Variants in OSBPL8 observed in about 807,000 individuals in gnomAD.
The protein encoded by OSBPL8 is oxysterol-binding protein-related protein 8.
In OSBPL8, 59 loss-of-function variants were observed where a neutral mutation model predicts 125.5. The observed-to-expected ratio is 0.47, with a 90% CI of 0.38 to 0.58. The LOEUF is 0.58. OSBPL8 is among the 20% of genes least tolerant of loss of function. The probability of loss-of-function intolerance (pLI) is 0.00; values close to 1 mark genes in which losing one functional copy is unlikely to be tolerated. For missense variants in OSBPL8, 758 were observed against 1,047.8 expected, an observed-to-expected ratio of 0.72 and a Z score of 3.82; for synonymous variants, 330 against 338.9, an observed-to-expected ratio of 0.97 and a Z score of 0.29.
chr12:76,499,264 T>C (rs1336708634), intron 1 of OSBPL8, among the ~76,000 whole-genome samples: 2 of 152,084 alleles, frequency 1.3e-5, no homozygotes, highest in Admixed American at 6.6e-5. Flanking sequence ...AGACAGCCTG[T>C]TGTGGGACCT....
At position 76,380,461 on chromosome 12, in the gene OSBPL8, G is replaced by A. The variant is rs372827119; in HGVS notation, c.1631-1911C>T. 1.4e-4 allele frequency among the ~76,000 whole-genome samples: 20 copies of A among 147,398 alleles called. No individual in the cohort carries two copies. In the East Asian group the frequency reaches 3.2e-3, roughly 23 times the overall value. On this transcript the variant is annotated intron_variant, in intron 15 of 23. Transcript: ENST00000261183. ...TGTGCCTGTAATCCCAGCTACTCAG[G>A]AGGCTGAGGTGAGAGGATCCCTTGA... is the stretch of plus-strand genomic sequence containing the variant.
chr12:76,416,797 A>G (rs1868731724), intron 4 of OSBPL8, among the ~76,000 whole-genome samples: 1 of 151,638 alleles, frequency 6.6e-6, no homozygotes, highest in Admixed American at 6.5e-5. Context: ...TTGCTGACTT[A>G]CCTAGATTTA....
intron 16 of OSBPL8, among the ~76,000 whole-genome samples, chr12:76,376,376 A>G (rs752123227): frequency 5.3e-5 from 8 of 152,164 alleles, no homozygotes; most frequent in Non-Finnish European, 8.8e-5. Context: ...ATGTTTCTCA[A>G]ATTTATTTGG....
intron 4 of OSBPL8, among the ~76,000 whole-genome samples, chr12:76,424,792 G>A (rs1031720789): frequency 5.3e-5 from 8 of 151,932 alleles, no homozygotes; most frequent in Admixed American, 3.3e-4. Context: ...GAACAAATGC[G>A]TTCCCTCCTA....
At position 76,355,777 on chromosome 12, in the gene OSBPL8, G is replaced by GT. The variant is rs1183250715; in HGVS notation, c.*111dup. The GT allele has an allele frequency of 4.2e-6, 5 of 1,201,114 alleles. No homozygotes were observed. Among genetic ancestry groups the GT allele is most frequent in the Non-Finnish European group, 5.7e-6 (5 of 871,018 alleles). The allele number at this position is 1,201,114 out of a possible 1,614,324, so 74.4% of individuals were successfully genotyped here. On this transcript the variant is annotated 3_prime_UTR_variant, in exon 24 of 24. Transcript: ENST00000261183. The stretch of plus-strand genomic sequence containing the variant: ...CAATACCTCTACATTTATCTCCTAG[G>GT]TTTTTTTGTTTTCGGAATATTGTGA...
chr12:76,440,201 T>C (rs1010126790), intron 4 of OSBPL8, among the ~76,000 whole-genome samples: 23 of 152,150 alleles, frequency 1.5e-4, no homozygotes, highest in Non-Finnish European at 3.1e-4. Flanking sequence ...TAAATTTCAT[T>C]CTGCAACTGA....
chr12:76,448,317 GTT>G (rs1565904827), intron 4 of OSBPL8, among the ~76,000 whole-genome samples: 1 of 152,032 alleles, frequency 6.6e-6, no homozygotes, highest in East Asian at 1.9e-4. Flanking sequence ...AACAAGTGTA[GTT>G]TTAATTATTA....
At chr12:76,382,129 T>C (rs1026630643) in intron 15 of OSBPL8, among the ~76,000 whole-genome samples, 3 of 152,182 alleles carry the variant, frequency 2.0e-5, no homozygotes, top group African/African-American at 7.2e-5. Flanking sequence ...TGTCTTTAAA[T>C]GAGATTATTT....
intron 21 of OSBPL8, among the ~76,000 whole-genome samples, chr12:76,367,229 G>GTTGGGGCTTT (rs1565829100): frequency 6.8e-6 from 1 of 147,168 alleles, no homozygotes; most frequent in Non-Finnish European, 1.5e-5. Context: ...TTTGTTGATT[G>GTTGGGGCTTT]GTGTGTGTGT....
At chr12:76,373,865 T>C (rs1376135242) in intron 17 of OSBPL8, among the ~76,000 whole-genome samples, 2 of 151,732 alleles carry the variant, frequency 1.3e-5, no homozygotes, top group Non-Finnish European at 2.9e-5. Flanking sequence ...AAAAGTAAAA[T>C]ATATAGCCAA....
intron 23 of OSBPL8, among the ~76,000 whole-genome samples, chr12:76,356,283 C>A (rs1013000237): frequency 2.6e-5 from 4 of 152,080 alleles, no homozygotes; most frequent in African/African-American, 9.7e-5. Context: ...GAAATAACAG[C>A]CATGCACAGA....
chr12:76,397,923 A>G (rs761676525), intron 7 of OSBPL8, 26 bp from the exon 8 acceptor site: 24 of 1,602,618 alleles, frequency 1.5e-5, no homozygotes, highest in Non-Finnish European at 1.8e-5. Context: ...TTTATTTTAA[A>G]AAGGAAGATC....
intron 1 of OSBPL8, among the ~76,000 whole-genome samples, chr12:76,497,329 A>G (rs1879381403): frequency 6.6e-6 from 1 of 152,212 alleles, no homozygotes; most frequent in Non-Finnish European, 1.5e-5. Flanking sequence ...TGAATAAACA[A>G]AATGAGTCTG....
chr12:76,513,480 T>C (rs143676235), intron 1 of OSBPL8, among the ~76,000 whole-genome samples: 2 of 152,328 alleles, frequency 1.3e-5, no homozygotes, highest in African/African-American at 4.8e-5. Context: ...CTGAATATCT[T>C]TAACTTTCTG....
intron 4 of OSBPL8, among the ~76,000 whole-genome samples, chr12:76,440,884 C>G (rs1872105066): frequency 6.6e-6 from 1 of 152,128 alleles, no homozygotes; most frequent in Non-Finnish European, 1.5e-5. Flanking sequence ...TCTAGAGTCC[C>G]ACTTTCTCAA....
intron 1 of OSBPL8, among the ~76,000 whole-genome samples, chr12:76,528,987 C>G (rs75269560): frequency 0.011 from 1,603 of 152,308 alleles, 38 homozygotes; most frequent in African/African-American, 0.037. Flanking sequence ...AAGTCCAAAA[C>G]AGGGGTAGTG....
intron 4 of OSBPL8, among the ~76,000 whole-genome samples, chr12:76,443,680 A>C (rs1872450080): frequency 6.6e-6 from 1 of 151,844 alleles, no homozygotes; most frequent in Non-Finnish European, 1.5e-5. Context: ...GGCTAATTTT[A>C]ATATTTTTAG....
Position 76,397,186 on chromosome 12 carries a change from T to C in OSBPL8, c.672+508A>G, listed in dbSNP as rs551911552. On this transcript the variant is annotated intron_variant, in intron 8 of 23. Coordinates refer to ENST00000261183, the MANE Select transcript of OSBPL8 (RefSeq NM_020841.5). ...AAGAAACCTGCCTCTTTCTCAAGAG[T>C]AAGTAATTAAAAAAAATTTTTTTTT... Among the ~76,000 whole-genome samples the C allele has an allele frequency of 6.3e-5, 5 of 79,752 alleles. No homozygotes were observed. In the East Asian group the frequency reaches 1.8e-3, roughly 29 times the overall value. 52.3% of individuals were successfully genotyped at this position (79,752 alleles called of 152,430 possible).
intron 2 of OSBPL8, among the ~76,000 whole-genome samples, chr12:76,473,691 G>A (rs1220029290): frequency 6.6e-6 from 1 of 152,132 alleles, no homozygotes; most frequent in Non-Finnish European, 1.5e-5. Flanking sequence ...TTGGTTCCCT[G>A]CTCCAAAATC....
Sources: gnomAD v4.1 joint callset for allele counts (sites outside exome capture counted in the v4.1 genomes callset) on GRCh38, gnomAD v4.1.1 for gene constraint, MANE v1.5 for transcripts, NCBI Gene and HGNC (gene_info 2026-07-23, HGNC 2026-07-21) for gene names.